PPIP5K1: variants seen among roughly 807,000 people sequenced by gnomAD.
PPIP5K1 encodes diphosphoinositol pentakisphosphate kinase 1.
In PPIP5K1, 6 loss-of-function variants were observed where a neutral mutation model predicts 27.7. The ratio of observed to expected loss-of-function variants is 0.22; its 90% CI spans 0.12 to 0.43. The LOEUF (loss-of-function observed/expected upper bound fraction) is 0.43, where lower values mean the gene tolerates loss of function less well. PPIP5K1 is among the 20% of genes least tolerant of loss of function. The probability of loss-of-function intolerance (pLI) is 1.00; values close to 1 mark genes in which losing one functional copy is unlikely to be tolerated. For synonymous variants in PPIP5K1, 145 were observed against 242.6 expected, an observed-to-expected ratio of 0.60 and a Z score of 3.74; for missense variants, 394 against 635.4, an observed-to-expected ratio of 0.62 and a Z score of 4.08.
intron 30 of PPIP5K1, among the ~76,000 whole-genome samples, chr15:43,556,393 T>C (rs1028335486): frequency 2.0e-5 from 3 of 151,830 alleles, no homozygotes; most frequent in Non-Finnish European, 2.9e-5. Flanking sequence ...CCTAGCACCT[T>C]TGGAAGGCCG....
chr15:43,536,175 T>G, intron 31 of PPIP5K1: 1 of 1,033,322 alleles, frequency 9.7e-7, no homozygotes, highest in Non-Finnish European at 1.3e-6. Context: ...TCCCAGCACT[T>G]TGGGAGGCCG....
At chr15:43,550,299 C>T (rs2082030987) in intron 30 of PPIP5K1, among the ~76,000 whole-genome samples, 1 of 151,950 alleles carries the variant, frequency 6.6e-6, no homozygotes, top group African/African-American at 2.4e-5. Context: ...ACATGCCTGG[C>T]TAATTTATTT....
Position 43,534,304 on chromosome 15 carries a change from C to T in PPIP5K1, c.*370G>A, listed in dbSNP as rs2079558128. On this transcript the variant is annotated 3_prime_UTR_variant, in exon 32 of 32. Coordinates refer to ENST00000420765, the MANE Select transcript of PPIP5K1 (RefSeq NM_001394395.1). ...GGCTGGGTAATGACAGACCAACCCA[C>T]CCCAAGGAAATCCTATTCAAGTCTA... is the stretch of plus-strand genomic sequence containing the variant. The T allele has an allele frequency of 5.7e-6, 1 of 174,622 alleles. No individual in the cohort carries two copies. Among genetic ancestry groups the T allele is most frequent in the South Asian group, 1.9e-4 (1 of 5,200 alleles). The allele number at this position is 174,622 out of a possible 1,614,324, so 10.8% of individuals were successfully genotyped here.
At chr15:43,588,398 C>CG (rs2085447787) in intron 1 of PPIP5K1, among the ~76,000 whole-genome samples, 1 of 111,354 alleles carries the variant, frequency 9.0e-6, no homozygotes. Flanking sequence ...TCAACTGCCA[C>CG]GGGGGTGCGA....
At chr15:43,554,792 T>C (rs1158679402) in intron 30 of PPIP5K1, among the ~76,000 whole-genome samples, 1 of 152,016 alleles carries the variant, frequency 6.6e-6, no homozygotes, top group Non-Finnish European at 1.5e-5. Context: ...ATAATTATAA[T>C]TGATATTATA....
At chr15:43,543,455 C>A (rs1254626935) in intron 30 of PPIP5K1, among the ~76,000 whole-genome samples, 4 of 151,170 alleles carry the variant, frequency 2.6e-5, no homozygotes, top group South Asian at 2.1e-4. Context: ...AAAAAAAAAA[C>A]TCCTGGGATG....
intron 30 of PPIP5K1, among the ~76,000 whole-genome samples, chr15:43,548,880 T>C (rs1053999834): frequency 6.6e-6 from 1 of 150,410 alleles, no homozygotes; most frequent in African/African-American, 2.4e-5. Flanking sequence ...AGAAAAAAAT[T>C]AGCTGGGCAT....
chr15:43,549,082 CAT>C (rs2081877248), intron 30 of PPIP5K1, among the ~76,000 whole-genome samples: 1 of 79,378 alleles, frequency 1.3e-5, no homozygotes, highest in Non-Finnish European at 2.3e-5. Context: ...TATATATATA[CAT>C]ATATATAATT....
At chr15:43,553,877 C>A (rs2082575334) in intron 30 of PPIP5K1, among the ~76,000 whole-genome samples, 1 of 151,808 alleles carries the variant, frequency 6.6e-6, no homozygotes, top group African/African-American at 2.4e-5. Flanking sequence ...AATCTCCTGA[C>A]CTTGTGATCC....
intron 30 of PPIP5K1, among the ~76,000 whole-genome samples, chr15:43,549,769 G>A (rs991740394): frequency 2.6e-5 from 4 of 152,074 alleles, no homozygotes; most frequent in South Asian, 4.1e-4. Context: ...CCAGGAATTC[G>A]AGACCAGCCT....
intron 30 of PPIP5K1, among the ~76,000 whole-genome samples, chr15:43,551,113 A>G (rs1275168745): frequency 6.6e-6 from 1 of 152,186 alleles, no homozygotes; most frequent in African/African-American, 2.4e-5. Flanking sequence ...CCTTCTCTTC[A>G]ATTTTTTTGG....
At chr15:43,536,275 C>A (rs2079843984) in intron 31 of PPIP5K1, 1 of 334,580 alleles carries the variant, frequency 3.0e-6, no homozygotes, top group Non-Finnish European at 5.7e-6. Context: ...AAAAATTAGC[C>A]AGGCGTAGTG....
At chr15:43,551,899 G>A (rs1403990885) in intron 30 of PPIP5K1, among the ~76,000 whole-genome samples, 3 of 151,932 alleles carry the variant, frequency 2.0e-5, no homozygotes, top group South Asian at 2.1e-4. Context: ...CACCACGCCC[G>A]GCTCCTTTTG....
intron 30 of PPIP5K1, among the ~76,000 whole-genome samples, chr15:43,552,528 TAA>T (rs535937209): frequency 7.2e-5 from 5 of 69,412 alleles, no homozygotes; most frequent in Non-Finnish European, 3.4e-5. Flanking sequence ...TCTGTCTCTA[TAA>T]AAAAAAAAAA....
intron 31 of PPIP5K1, among the ~76,000 whole-genome samples, chr15:43,536,784 T>A (rs2079920664): frequency 6.6e-6 from 1 of 152,180 alleles, no homozygotes; most frequent in Non-Finnish European, 1.5e-5. Flanking sequence ...GTGGGATGAT[T>A]CCTACTCCAT....
At chr15:43,572,433 CAAAAAAAAA>C (rs1192497589) in intron 23 of PPIP5K1, among the ~76,000 whole-genome samples, 1 of 37,036 alleles carries the variant, frequency 2.7e-5, no homozygotes, top group African/African-American at 9.4e-5. Context: ...GACCTTGTCT[CAAAAAAAAA>C]AAAAAAAAAA....
Position 43,536,090 on chromosome 15 carries a change from AG to A in PPIP5K1, c.3671-615del, listed in dbSNP as rs751900869. 6.2e-6 allele frequency: 8 copies of A among 1,285,888 alleles called. No individual in the cohort carries two copies. In the East Asian group the frequency reaches 3.4e-4, roughly 54 times the overall value. 79.7% of individuals were successfully genotyped at this position (1,285,888 alleles called of 1,614,324 possible). On this transcript the variant is annotated intron_variant, in intron 31 of 31. Coordinates refer to ENST00000420765, the MANE Select transcript of PPIP5K1 (RefSeq NM_001394395.1). ...AAATGATAAGTTGGCAGAAGAATGT[AG>A]AAAAACCATGTAAATCAGAACAATA...
At chr15:43,548,857 C>T (rs2081738289) in intron 30 of PPIP5K1, among the ~76,000 whole-genome samples, 1 of 150,604 alleles carries the variant, frequency 6.6e-6, no homozygotes, top group Non-Finnish European at 1.5e-5. Flanking sequence ...GAAACCCTGT[C>T]TCTACTAAAA....
rs1017067274 is a variant in PPIP5K1 at position 43,534,471 on chromosome 15, C to G, written c.*203G>C. ...GAGAGCTGGCCAGTGAGTTAGCCAA[C>G]AGAAAAGGTTGCTGGCTCAAATGGC... On this transcript the variant is annotated 3_prime_UTR_variant, in exon 32 of 32. Coordinates refer to ENST00000420765, the MANE Select transcript of PPIP5K1 (RefSeq NM_001394395.1). 2 of 475,438 alleles carry G rather than the reference C, an allele frequency of 4.2e-6. No homozygotes were observed. The highest frequency in any genetic ancestry group is 3.6e-5 in the Admixed American group (1 of 27,470). The allele number at this position is 475,438 out of a possible 1,614,324, so 29.5% of individuals were successfully genotyped here.
Sources: allele counts gnomAD v4.1 joint callset (sites outside exome capture counted in the v4.1 genomes callset), GRCh38; gene constraint gnomAD v4.1.1; transcripts MANE v1.5; gene names NCBI Gene and HGNC (gene_info 2026-07-23, HGNC 2026-07-21).